WDR27: variants seen among roughly 807,000 people sequenced by gnomAD.
WDR27 encodes WD repeat-containing protein 27.
WDR27 carries 100 observed loss-of-function variants against 114.4 expected under a neutral mutation model. That is an observed-to-expected ratio of 0.87 (90% confidence interval 0.74 to 1.03). The LOEUF (loss-of-function observed/expected upper bound fraction) is 1.03. Ranked by LOEUF, WDR27 falls within the 50% of genes least tolerant of loss-of-function variation. The pLI is 0.00. For missense variants in WDR27, 1,129 were observed against 1,092.9 expected (o/e 1.03, Z -0.47); for synonymous variants, 449 against 423.1 (o/e 1.06, Z -0.75).
At chr6:169,506,046 C>A (rs1791962971) in intron 25 of WDR27, among the ~76,000 whole-genome samples, 1 of 152,200 alleles carries the variant, frequency 6.6e-6, no homozygotes, top group Non-Finnish European at 1.5e-5. Context: ...AACTCTACAG[C>A]AGACATTTGC....
chr6:169,576,167 T>G (rs1043717281), intron 24 of WDR27, among the ~76,000 whole-genome samples: 16 of 152,244 alleles, frequency 1.1e-4, no homozygotes, highest in African/African-American at 3.9e-4. Context: ...AGTGTGTTCA[T>G]GTTTGGAAAT....
At position 169,491,138 on chromosome 6, in the gene WDR27, G is replaced by A. The variant is rs1160005237; in HGVS notation, c.2646-33504C>T. Among the ~76,000 whole-genome samples the A allele has an allele frequency of 2.6e-5, 4 of 152,098 alleles. No individual in the cohort carries two copies. In the East Asian group the frequency reaches 7.7e-4, roughly 29 times the overall value. ...GTGACTAAGGGTTACTAAAGAACAC[G>A]GGCATTTAAGAGCTTCCTGGAAAAT... On this transcript the variant is annotated intron_variant, in intron 25 of 25. Transcript: ENST00000448612.
intron 25 of WDR27, among the ~76,000 whole-genome samples, chr6:169,567,515 A>C (rs1313079456): frequency 6.6e-6 from 1 of 152,172 alleles, no homozygotes. Context: ...GACGCTCCCC[A>C]ACAGCAAAAG....
At chr6:169,445,638 A>G in the WDR27 span, among the ~76,000 whole-genome samples, 6 of 152,236 alleles carry the variant, frequency 3.9e-5, no homozygotes, top group Non-Finnish European at 7.3e-5. Flanking sequence ...CTTTCCTGTC[A>G]GTCCCTTCTG....
At chr6:169,469,939 T>G (rs1786127081) in intron 25 of WDR27, among the ~76,000 whole-genome samples, 1 of 152,232 alleles carries the variant, frequency 6.6e-6, no homozygotes, top group South Asian at 2.1e-4. Flanking sequence ...TCCTATTTTT[T>G]GCCATACTGA....
At chr6:169,598,912 C>T (rs1032586858) in intron 23 of WDR27, among the ~76,000 whole-genome samples, 21 of 152,300 alleles carry the variant, frequency 1.4e-4, no homozygotes, top group Middle Eastern at 3.4e-3. Flanking sequence ...TTTACATAAA[C>T]GTGCTATTTG....
intron 25 of WDR27, among the ~76,000 whole-genome samples, chr6:169,463,049 A>G (rs1241091600): frequency 6.6e-6 from 1 of 152,240 alleles, no homozygotes; most frequent in Non-Finnish European, 1.5e-5. Context: ...ACAAGCAAAC[A>G]ACCAACAACA....
intron 18 of WDR27, 142 bp from the exon 19 acceptor site, chr6:169,636,646 C>A: frequency 1.3e-6 from 1 of 783,288 alleles, no homozygotes; most frequent in Admixed American, 3.7e-5. Context: ...ACCCAATCTA[C>A]AATTTTTGTT....
intron 14 of WDR27, among the ~76,000 whole-genome samples, chr6:169,651,677 T>G (rs1822599128): frequency 1.3e-5 from 2 of 152,142 alleles, no homozygotes; most frequent in Admixed American, 1.3e-4. Flanking sequence ...GACCACCACG[T>G]TATCAGAAAA....
chr6:169,512,851 A>C (rs1202194165), intron 25 of WDR27, among the ~76,000 whole-genome samples: 1 of 152,202 alleles, frequency 6.6e-6, no homozygotes. Flanking sequence ...TTTCATGTTA[A>C]AAGAAAATCT....
intron 22 of WDR27, among the ~76,000 whole-genome samples, chr6:169,608,539 A>G (rs1420330355): frequency 6.6e-6 from 1 of 152,176 alleles, no homozygotes; most frequent in Non-Finnish European, 1.5e-5. Context: ...AACCTCTGAT[A>G]AAACCATCGG....
In WDR27 at chr6:169,659,697, C is replaced by G. The variant is rs1042873002; in HGVS notation, c.1130-179G>C. On this transcript the variant is annotated intron_variant, in intron 10 of 25. Coordinates refer to ENST00000448612, the MANE Select transcript of WDR27 (RefSeq NM_182552.5). This position sits in a 1 kb window ranked among gnomAD's most constrained non-coding sequence, Gnocchi z 4.3. Reference sequence around the variant, plus strand: ...CACACATACAAGGCCCCAGGCCACACACACACCAGCGCACACACCACACAC... The same window carrying G: ...CACACATACAAGGCCCCAGGCCACAGACACACCAGCGCACACACCACACAC... Among the ~76,000 whole-genome samples, 1 of 152,034 alleles carries G rather than the reference C, an allele frequency of 6.6e-6. No individual in the cohort carries two copies. Among genetic ancestry groups the G allele is most frequent in the Admixed American group, 6.5e-5 (1 of 15,270 alleles).
chr6:169,655,058 T>A (rs1347787157), intron 13 of WDR27, among the ~76,000 whole-genome samples: 1 of 152,220 alleles, frequency 6.6e-6, no homozygotes, highest in Non-Finnish European at 1.5e-5. Flanking sequence ...TCTCTCTCCC[T>A]CGCTTTGGGT....
At position 169,651,841 on chromosome 6, in the gene WDR27, G is replaced by T. The variant is rs569495730; in HGVS notation, c.1481+89C>A. 4.3e-6 allele frequency: 5 copies of T among 1,167,682 alleles called. No individual in the cohort carries two copies. The Admixed American group carries it at 8.2e-5, about 19-fold the overall frequency. 72.3% of individuals were successfully genotyped at this position (1,167,682 alleles called of 1,614,324 possible). ...GTCCTCTCTCCATACTGTGGCCCTC[G>T]GGGATGTATGTGTGTCCCTATTTGT... On this transcript the variant is annotated intron_variant, in intron 14 of 25. Transcript: ENST00000448612.
chr6:169,500,663 T>A (rs1443347879), intron 25 of WDR27, among the ~76,000 whole-genome samples: 2 of 152,116 alleles, frequency 1.3e-5, no homozygotes, highest in African/African-American at 4.8e-5. Context: ...GGCTGCCCAG[T>A]GCTAGGGATC....
At chr6:169,557,407 A>G (rs994497643) in intron 25 of WDR27, among the ~76,000 whole-genome samples, 5 of 152,012 alleles carry the variant, frequency 3.3e-5, no homozygotes, top group African/African-American at 9.7e-5. Context: ...CGTGGGGAAG[A>G]CCCTGAGGTG....
At chr6:169,552,026 A>G (rs1000889546) in intron 25 of WDR27, among the ~76,000 whole-genome samples, 8 of 152,078 alleles carry the variant, frequency 5.3e-5, no homozygotes, top group African/African-American at 1.9e-4. Context: ...CCACGCAGAG[A>G]AGCCGCATAC....
At chr6:169,510,450 C>G (rs2115526855) in intron 25 of WDR27, among the ~76,000 whole-genome samples, 1 of 152,024 alleles carries the variant, frequency 6.6e-6, no homozygotes, top group South Asian at 2.1e-4. Flanking sequence ...ACTATGCAGC[C>G]ATAAAAAATG....
Position 169,514,299 on chromosome 6 carries a change from T to C in WDR27, c.2646-56665A>G, listed in dbSNP as rs58450707. 2.5e-3 allele frequency among the ~76,000 whole-genome samples: 375 copies of C among 151,296 alleles called. 10 individuals are homozygous for C. In the East Asian group the frequency reaches 0.065, roughly 26 times the overall value. On this transcript the variant is annotated intron_variant, in intron 25 of 25. Transcript: ENST00000448612. Reference sequence around the variant, plus strand: ...TTATTATAAATTATTTCCTTTCAAATAGAAAAGAGAAGTCAAACTGACAAA... The same window carrying C: ...TTATTATAAATTATTTCCTTTCAAACAGAAAAGAGAAGTCAAACTGACAAA...
Sources: gnomAD v4.1 joint callset for allele counts (sites outside exome capture counted in the v4.1 genomes callset) on GRCh38, gnomAD v4.1.1 for gene constraint, Gnocchi (gnomAD v3.1) non-coding constraint, MANE v1.5 for transcripts, NCBI Gene and HGNC (gene_info 2026-07-23, HGNC 2026-07-21) for gene names.